Variants in FGF14 observed in about 807,000 individuals in gnomAD.
FGF14 encodes fibroblast growth factor homologous factor 4.
A neutral mutation model predicts 25.5 loss-of-function variants in FGF14; 5 were observed. The ratio of observed to expected loss-of-function variants is 0.20; its 90% CI spans 0.10 to 0.41. The LOEUF (loss-of-function observed/expected upper bound fraction) is 0.41, where lower values mean the gene tolerates loss of function less well. Among genes scored for constraint, FGF14 ranks in the 10% least tolerant of loss-of-function variants. The probability of loss-of-function intolerance (pLI) is 1.00; values close to 1 mark genes in which losing one functional copy is unlikely to be tolerated. For missense variants in FGF14, 222 were observed against 320.1 expected (o/e 0.69, Z 2.34); for synonymous variants, 138 against 118.3 (o/e 1.17, Z -1.08).
At chr13:102,246,435 A>T (rs777402736) in intron 1 of FGF14, among the ~76,000 whole-genome samples, 2 of 152,062 alleles carry the variant, frequency 1.3e-5, no homozygotes, top group Non-Finnish European at 2.9e-5. Context: ...GTAATGGCAA[A>T]CCCTCAACTT....
Position 101,916,483 on chromosome 13 carries a change from C to T in FGF14, c.163G>A (p.Gly55Ser), listed in dbSNP as rs1411679794. The T allele has an allele frequency of 6.2e-7, 1 of 1,613,952 alleles. No individual in the cohort carries two copies. The highest frequency in any genetic ancestry group is 8.5e-7 in the Non-Finnish European group (1 of 1,179,938). ...VDIFSKVRIF[G>S]LKKRRLRRQD... ...CGCCGCAACCTGCGCTTCTTGAGGC[C>T]GAAGATGCGCACTTTGGAGAAGATA... Residue 55 changes from glycine to serine, a missense_variant, in exon 1 of 5, where the codon GGC becomes AGC. By Grantham distance (56) the Gly-to-Ser change is moderately conservative. This residue lies in a region of FGF14 where 80 missense variants were observed against 72.2 expected (regional missense o/e 1.11). Transcript: ENST00000376143.
At chr13:102,368,840 G>A (rs996956772) in intron 1 of FGF14, among the ~76,000 whole-genome samples, 2 of 152,172 alleles carry the variant, frequency 1.3e-5, no homozygotes, top group East Asian at 3.8e-4. Context: ...TATGTAAGAT[G>A]TGTCCTGACT....
At chr13:102,309,030 A>G (rs987700156) in intron 1 of FGF14, among the ~76,000 whole-genome samples, 2 of 152,070 alleles carry the variant, frequency 1.3e-5, no homozygotes, top group African/African-American at 4.8e-5. Context: ...GACACCAGAA[A>G]TAGTAACCTT....
chr13:102,188,666 C>T (rs2048967421), intron 1 of FGF14, among the ~76,000 whole-genome samples: 1 of 151,972 alleles, frequency 6.6e-6, no homozygotes, highest in Admixed American at 6.6e-5. Flanking sequence ...AGGTCAGGTG[C>T]AGTGGCTACA....
chr13:102,220,475 T>C (rs919710004), intron 1 of FGF14, among the ~76,000 whole-genome samples: 5 of 152,210 alleles, frequency 3.3e-5, no homozygotes, highest in Admixed American at 2.0e-4. Context: ...GCTACATATC[T>C]TGAAGTTTCA....
intron 1 of FGF14, among the ~76,000 whole-genome samples, chr13:101,907,098 AATCT>A (rs2032338710): frequency 1.3e-5 from 2 of 152,162 alleles, no homozygotes; most frequent in African/African-American, 4.8e-5. Flanking sequence ...CTTAATCACA[AATCT>A]ATTATATTTA....
intron 1 of FGF14, among the ~76,000 whole-genome samples, chr13:102,036,023 A>G (rs1274852432): frequency 6.6e-6 from 1 of 152,146 alleles, no homozygotes; most frequent in African/African-American, 2.4e-5. Flanking sequence ...GGAGCAAAAG[A>G]GTAACAGCTA....
intron 3 of FGF14, among the ~76,000 whole-genome samples, chr13:101,814,393 CCTT>C (rs2041728220): frequency 6.6e-6 from 1 of 152,102 alleles, no homozygotes; most frequent in East Asian, 1.9e-4. Context: ...AGTTATGTGA[CCTT>C]AAAAATGTAT....
chr13:101,829,527 T>C (rs1025920233), intron 3 of FGF14, among the ~76,000 whole-genome samples: 1 of 152,034 alleles, frequency 6.6e-6, no homozygotes, highest in Non-Finnish European at 1.5e-5. Context: ...GTCTTTAAAG[T>C]GTTCACTCTT....
chr13:102,216,259 A>G (rs892754275), intron 1 of FGF14, among the ~76,000 whole-genome samples: 2 of 152,176 alleles, frequency 1.3e-5, no homozygotes, highest in African/African-American at 2.4e-5. Flanking sequence ...TGGGAAAGCC[A>G]CATCATTCTA....
chr13:102,174,330 T>C (rs1448192731), intron 1 of FGF14, among the ~76,000 whole-genome samples: 1 of 151,184 alleles, frequency 6.6e-6, no homozygotes, highest in Non-Finnish European at 1.5e-5. Context: ...TCTTTTTTTT[T>C]TTATTTTTGT....
At chr13:101,734,776 C>G (rs2036061375) in intron 3 of FGF14, among the ~76,000 whole-genome samples, 1 of 152,170 alleles carries the variant, frequency 6.6e-6, no homozygotes, top group African/African-American at 2.4e-5. Context: ...CATTTTAGAA[C>G]TGAAGAAACC....
At chr13:102,282,796 C>T (rs958838134) in intron 1 of FGF14, among the ~76,000 whole-genome samples, 4 of 151,890 alleles carry the variant, frequency 2.6e-5, no homozygotes, top group African/African-American at 9.7e-5. Flanking sequence ...CACTCATATT[C>T]CATTGGCCAA....
intron 1 of FGF14, among the ~76,000 whole-genome samples, chr13:102,291,318 A>G (rs1269144122): frequency 6.6e-6 from 1 of 152,164 alleles, no homozygotes; most frequent in Non-Finnish European, 1.5e-5. Flanking sequence ...TACTCTGGTA[A>G]TTTTATATAT....
intron 1 of FGF14, among the ~76,000 whole-genome samples, chr13:102,116,139 T>A (rs2045460917): frequency 6.6e-6 from 1 of 151,868 alleles, no homozygotes; most frequent in Non-Finnish European, 1.5e-5. Context: ...ACAAACAGAA[T>A]AAAACACAAT....
intron 1 of FGF14, among the ~76,000 whole-genome samples, chr13:102,158,617 A>G (rs1241734552): frequency 1.3e-5 from 2 of 152,076 alleles, no homozygotes; most frequent in Non-Finnish European, 2.9e-5. Flanking sequence ...ACATGTATAC[A>G]TACGTAACAG....
intron 3 of FGF14, among the ~76,000 whole-genome samples, chr13:101,783,087 T>C (rs2039605934): frequency 6.6e-6 from 1 of 152,228 alleles, no homozygotes; most frequent in South Asian, 2.1e-4. Flanking sequence ...TATTAGATGG[T>C]ATCTCATTGT....
intron 2 of FGF14, among the ~76,000 whole-genome samples, chr13:101,874,097 A>C (rs1362674598): frequency 6.6e-6 from 1 of 152,118 alleles, no homozygotes; most frequent in South Asian, 2.1e-4. Context: ...GCAAAACGAC[A>C]TGTAAAAATA....
chr13:101,744,485 G>A (rs1220979147), intron 3 of FGF14, among the ~76,000 whole-genome samples: 1 of 151,978 alleles, frequency 6.6e-6, no homozygotes, highest in African/African-American at 2.4e-5. Flanking sequence ...CAATTAGAGT[G>A]GGGACTTTGT....
Sources: gnomAD v4.1 joint callset for allele counts (sites outside exome capture counted in the v4.1 genomes callset) on GRCh38, gnomAD v4.1.1 for gene constraint, gnomAD v4.1.1 regional missense constraint, MANE v1.5 for transcripts, NCBI Gene and HGNC (gene_info 2026-07-23, HGNC 2026-07-21) for gene names.